Variants in CCSER2 observed in about 807,000 individuals in gnomAD.
CCSER2 encodes serine-rich coiled-coil domain-containing protein 2.
CCSER2 carries 46 observed loss-of-function variants against 92.3 expected under a neutral mutation model. That is an observed-to-expected ratio of 0.50 (90% CI 0.39 to 0.64). CCSER2 has a LOEUF of 0.64. Ranked by LOEUF, CCSER2 falls within the 30% of genes least tolerant of loss-of-function variation. The pLI is 0.00. For missense variants in CCSER2, 1,244 were observed against 1,238.9 expected, an observed-to-expected ratio of 1.00 and a Z score of -0.06; for synonymous variants, 433 against 431.4, an observed-to-expected ratio of 1.00 and a Z score of -0.04.
chr10:84,514,490 C>T lies in CCSER2; in HGVS notation c.*223C>T, dbSNP rs1239221338. 3 of 528,512 alleles carry T rather than the reference C, an allele frequency of 5.7e-6. No homozygotes were observed. The highest frequency in any genetic ancestry group is 6.6e-6 in the Non-Finnish European group (2 of 301,822). The allele number at this position is 528,512 out of a possible 1,614,324, so 32.7% of individuals were successfully genotyped here. A position where few individuals can be genotyped will look rare whatever the true frequency, so the allele number is the denominator to read the frequency against. On this transcript the variant is annotated 3_prime_UTR_variant, in exon 10 of 10. Transcript: ENST00000372088. ...TATCTCAGGTAAACACGAAAGTTTGCTTACCCATTTCAGAGGCCTGCCAAA... is the reference window on the plus strand; with the variant it reads ...TATCTCAGGTAAACACGAAAGTTTGTTTACCCATTTCAGAGGCCTGCCAAA...
intron 6 of CCSER2, among the ~76,000 whole-genome samples, chr10:84,454,280 T>G (rs1411677911): frequency 6.6e-6 from 1 of 152,192 alleles, no homozygotes; most frequent in Non-Finnish European, 1.5e-5. Context: ...AATTTCTCCC[T>G]TCTTATAAGG....
intron 3 of CCSER2, among the ~76,000 whole-genome samples, chr10:84,392,981 C>T (rs960416149): frequency 1.3e-5 from 2 of 152,118 alleles, no homozygotes; most frequent in African/African-American, 4.8e-5. Context: ...GGGGAAGTAG[C>T]ATGCTTGCAT....
At chr10:84,356,488 T>C (rs1589431301) in intron 1 of CCSER2, among the ~76,000 whole-genome samples, 1 of 152,230 alleles carries the variant, frequency 6.6e-6, no homozygotes, top group Non-Finnish European at 1.5e-5. Flanking sequence ...ATACTGAGAC[T>C]AAAACTGCGC....
rs1359669394 is a variant in CCSER2, at chr10:84,515,170, A to T, written c.*903A>T. 6.6e-6 allele frequency: 1 copy of T among 152,586 alleles called. No homozygotes were observed. Among genetic ancestry groups the T allele is most frequent in the African/African-American group, 2.4e-5 (1 of 41,444 alleles). 9.5% of individuals were successfully genotyped at this position (152,586 alleles called of 1,614,324 possible). A position where few individuals can be genotyped will look rare whatever the true frequency, so the allele number is the denominator to read the frequency against. On this transcript the variant is annotated 3_prime_UTR_variant, in exon 10 of 10. Transcript: ENST00000372088. ...AGCCATTTTAAGGTTCCACAGCATT[A>T]TGTCTTTAATTGTAATATTTATATT...
chr10:84,515,143 A>G lies in CCSER2; in HGVS notation c.*876A>G, dbSNP rs140394389. 2.5e-3 allele frequency: 386 copies of G among 152,716 alleles called. 2 individuals are homozygous for G. Among genetic ancestry groups the G allele is most frequent in the African/African-American group, 8.5e-3 (354 of 41,556 alleles). The allele number at this position is 152,716 out of a possible 1,614,324, so 9.5% of individuals were successfully genotyped here. ...GAACCCTTAGGCTTGTGGATCCATG[A>G]TAGCCATTTTAAGGTTCCACAGCAT... On this transcript the variant is annotated 3_prime_UTR_variant, in exon 10 of 10. Coordinates refer to ENST00000372088, the MANE Select transcript of CCSER2 (RefSeq NM_001284240.2).
At chr10:84,387,559 G>A (rs145822446) in intron 3 of CCSER2, among the ~76,000 whole-genome samples, 2,853 of 151,020 alleles carry the variant, frequency 0.019, 34 homozygotes, top group Non-Finnish European at 0.03. Context: ...GACAGAGTCT[G>A]GCTCTGTGGC....
chr10:84,343,491 A>G (rs1844316932), intron 1 of CCSER2, among the ~76,000 whole-genome samples: 1 of 152,220 alleles, frequency 6.6e-6, no homozygotes, highest in Non-Finnish European at 1.5e-5. Flanking sequence ...CAGGAAATGC[A>G]TTTTGGTTAT....
At chr10:84,478,584 C>A (rs977174049) in intron 9 of CCSER2, among the ~76,000 whole-genome samples, 4 of 152,062 alleles carry the variant, frequency 2.6e-5, no homozygotes, top group Admixed American at 6.5e-5. Context: ...GTATAAGATA[C>A]AATGGTAGGA....
intron 1 of CCSER2, among the ~76,000 whole-genome samples, chr10:84,331,614 A>G (rs1477219516): frequency 6.6e-6 from 1 of 152,118 alleles, no homozygotes; most frequent in African/African-American, 2.4e-5. Context: ...TCTTACTCCT[A>G]TGTGATAGGA....
intron 6 of CCSER2, among the ~76,000 whole-genome samples, chr10:84,461,545 G>A (rs549431837): frequency 6.6e-6 from 1 of 151,864 alleles, no homozygotes; most frequent in African/African-American, 2.4e-5. Context: ...CACTCTTTAA[G>A]TTTATTGTAT....
intron 9 of CCSER2, among the ~76,000 whole-genome samples, chr10:84,499,616 G>A (rs1017537113): frequency 6.6e-6 from 1 of 151,934 alleles, no homozygotes. Context: ...ATACCGGAAA[G>A]AATATATTAT....
chr10:84,432,939 C>A (rs1270589082), intron 5 of CCSER2, among the ~76,000 whole-genome samples: 1 of 152,098 alleles, frequency 6.6e-6, no homozygotes, highest in Non-Finnish European at 1.5e-5. Flanking sequence ...ATGTCCATTT[C>A]TAGTCTCATT....
At chr10:84,361,882 C>T (rs1197143328) in intron 1 of CCSER2, among the ~76,000 whole-genome samples, 3 of 152,112 alleles carry the variant, frequency 2.0e-5, no homozygotes, top group South Asian at 2.1e-4. Flanking sequence ...TCAGGTGATC[C>T]GCCCACCTCG....
At chr10:84,465,082 A>G (rs926243390) in intron 7 of CCSER2, among the ~76,000 whole-genome samples, 6 of 151,970 alleles carry the variant, frequency 3.9e-5, no homozygotes, top group Non-Finnish European at 8.8e-5. Flanking sequence ...CTCTCAGTAT[A>G]ATACATTAAG....
rs1026097294 is a variant in CCSER2, at chr10:84,518,236, A to C, written c.*3969A>C. The C allele has an allele frequency of 2.0e-5, 3 of 152,576 alleles. No individual in the cohort carries two copies. In the East Asian group the frequency reaches 5.8e-4, roughly 29 times the overall value. 9.5% of individuals were successfully genotyped at this position (152,576 alleles called of 1,614,324 possible). ...AATCTACAACTATGTCATTAACTGA[A>C]GATACATGTTTTAATCTTGTTGGGA... On this transcript the variant is annotated 3_prime_UTR_variant, in exon 10 of 10. Transcript: ENST00000372088.
intron 9 of CCSER2, among the ~76,000 whole-genome samples, chr10:84,493,519 A>G (rs1274901655): frequency 6.6e-6 from 1 of 152,262 alleles, no homozygotes; most frequent in South Asian, 2.1e-4. Flanking sequence ...TACTCCATAG[A>G]CAGAGCCCTG....
intron 5 of CCSER2, among the ~76,000 whole-genome samples, chr10:84,435,966 C>T (rs1844092307): frequency 6.6e-6 from 1 of 151,996 alleles, no homozygotes; most frequent in Non-Finnish European, 1.5e-5. Context: ...AAAGACTACT[C>T]AGAGGTTGTG....
chr10:84,507,798 T>C (rs11201078), intron 9 of CCSER2, among the ~76,000 whole-genome samples: 1 of 152,158 alleles, frequency 6.6e-6, no homozygotes, highest in South Asian at 2.1e-4. Flanking sequence ...TTTGCCTTTT[T>C]TCATGTTCAT....
At chr10:84,377,815 G>A (rs936039239) in intron 3 of CCSER2, among the ~76,000 whole-genome samples, 2 of 152,088 alleles carry the variant, frequency 1.3e-5, no homozygotes, top group African/African-American at 4.8e-5. Flanking sequence ...TCTATAAAAT[G>A]TTATGCATGT....
Sources: allele counts gnomAD v4.1 joint callset (sites outside exome capture counted in the v4.1 genomes callset), GRCh38; gene constraint gnomAD v4.1.1; transcripts MANE v1.5; gene names NCBI Gene and HGNC (gene_info 2026-07-23, HGNC 2026-07-21).